ALDH2: variants seen among roughly 807,000 people sequenced by gnomAD.
The protein encoded by ALDH2 is aldehyde dehydrogenase 2 family member.
In ALDH2, 44 loss-of-function variants were observed where a neutral mutation model predicts 59.6. The ratio of observed to expected loss-of-function variants is 0.74; its 90% confidence interval spans 0.58 to 0.95. ALDH2 has a LOEUF of 0.95. Ranked by LOEUF, ALDH2 falls within the 40% of genes least tolerant of loss-of-function variation. ALDH2 has a pLI of 0.00. For synonymous variants in ALDH2, 291 were observed against 284.0 expected (o/e 1.02, Z -0.25); for missense variants, 570 against 696.3 (o/e 0.82, Z 2.04).
rs990718684 is a variant in ALDH2 at position 111,766,971 on chromosome 12, T to C, written c.-12T>C. ...TGCTCTCGGTCCGCTCGCTGTCCGCTAGCCCGCTGCGATGTTGCGCGCTGC... is the reference window on the plus strand; with the variant it reads ...TGCTCTCGGTCCGCTCGCTGTCCGCCAGCCCGCTGCGATGTTGCGCGCTGC... On this transcript the variant is annotated 5_prime_UTR_variant, in exon 1 of 13. Transcript: ENST00000261733. The C allele has an allele frequency of 1.7e-5, 26 of 1,520,492 alleles. No individual in the cohort carries two copies. Among genetic ancestry groups the C allele is most frequent in the Admixed American group, 6.0e-5 (3 of 50,066 alleles). The allele number at this position is 1,520,492 out of a possible 1,614,324, so 94.2% of individuals were successfully genotyped here. A position where few individuals can be genotyped will look rare whatever the true frequency, so the allele number is the denominator to read the frequency against.
rs185892412 is a variant in ALDH2 at position 111,811,815 on chromosome 12, C to A, written c.*2240C>A. On this transcript the variant is annotated 3_prime_UTR_variant, in exon 13 of 13. Transcript: ENST00000261733. The stretch of plus-strand genomic sequence containing the variant: ...CCCACAGGGTCGGTGGGTTTTTCTC[C>A]CCATGTGCGGAGACGAGAGATTGTA... 25 of 155,090 alleles carry A rather than the reference C, an allele frequency of 1.6e-4. No homozygotes were observed. The highest frequency in any genetic ancestry group is 6.0e-4 in the African/African-American group (25 of 41,560). The allele number at this position is 155,090 out of a possible 1,614,324, so 9.6% of individuals were successfully genotyped here. A position where few individuals can be genotyped will look rare whatever the true frequency, so the allele number is the denominator to read the frequency against.
At chr12:111,777,737 C>T (rs1424394478) in intron 1 of ALDH2, among the ~76,000 whole-genome samples, 1 of 152,186 alleles carries the variant, frequency 6.6e-6, no homozygotes, top group Non-Finnish European at 1.5e-5. Flanking sequence ...ACGGCATAGT[C>T]CAACTTGAAC....
intron 12 of ALDH2, among the ~76,000 whole-genome samples, chr12:111,808,422 C>T (rs1041424797): frequency 6.6e-6 from 1 of 151,958 alleles, no homozygotes; most frequent in African/African-American, 2.4e-5. Context: ...TTTAAGAAAG[C>T]GGCCAGGCGC....
chr12:111,771,817 G>A (rs935797759), intron 1 of ALDH2, among the ~76,000 whole-genome samples: 3 of 152,134 alleles, frequency 2.0e-5, no homozygotes, highest in African/African-American at 7.2e-5. Flanking sequence ...TTTAAAAATT[G>A]GCCAGGCACG....
At position 111,809,657 on chromosome 12, in the gene ALDH2, G is replaced by A. The variant is rs1304066851; in HGVS notation, c.*82G>A. On this transcript the variant is annotated 3_prime_UTR_variant, in exon 13 of 13. Coordinates refer to ENST00000261733, the MANE Select transcript of ALDH2 (RefSeq NM_000690.4). ...CAAAACCAAGAAAAATGATCCTTGC[G>A]TGCTGAATATCTGAAAAGAGAAATT... 2.0e-5 allele frequency: 29 copies of A among 1,480,784 alleles called. No homozygotes were observed. Among genetic ancestry groups the A allele is most frequent in the South Asian group, 1.0e-4 (9 of 86,374 alleles). The allele number at this position is 1,480,784 out of a possible 1,614,324, so 91.7% of individuals were successfully genotyped here.
chr12:111,793,403 A>C (rs2136019995), intron 9 of ALDH2, among the ~76,000 whole-genome samples: 1 of 151,964 alleles, frequency 6.6e-6, no homozygotes, highest in East Asian at 1.9e-4. Context: ...ACTTTTGAGC[A>C]GTTGTAGGTT....
chr12:111,792,068 G>A lies in ALDH2; in HGVS notation c.803G>A (p.Arg268His), dbSNP rs765859442. The A allele has an allele frequency of 1.4e-5, 23 of 1,609,184 alleles. No individual in the cohort carries two copies. Among genetic ancestry groups the A allele is most frequent in the South Asian group, 6.6e-5 (6 of 90,718 alleles). ...GTCTTTCTGTCCCCACAGATTGGCC[G>A]CGTAATCCAGGTTGCTGCTGGGAGC... The part of the protein sequence containing the change: ...VAFTGSTEIG[R>H]VIQVAAGSSN... Residue 268 changes from arginine to histidine, a missense_variant, in exon 8 of 13, where the codon CGC becomes CAC. Coordinates refer to ENST00000261733, the MANE Select transcript of ALDH2 (RefSeq NM_000690.4).
chr12:111,788,178 C>T (rs1221783979), intron 4 of ALDH2, among the ~76,000 whole-genome samples: 3 of 152,128 alleles, frequency 2.0e-5, no homozygotes, highest in Non-Finnish European at 2.9e-5. Context: ...CCACTGCACT[C>T]CAGCCTGGGA....
intron 8 of ALDH2, 47 bp downstream of exon 8, chr12:111,792,210 C>A: frequency 2.8e-6 from 4 of 1,420,886 alleles, no homozygotes; most frequent in Non-Finnish European, 2.9e-6. Flanking sequence ...TAGCCCTGGC[C>A]ACCTGTGTTG....
chr12:111,785,382 G>T (rs771977554), intron 4 of ALDH2, 36 bp downstream of exon 4: 2 of 1,569,014 alleles, frequency 1.3e-6, no homozygotes, highest in Non-Finnish European at 1.8e-6. Context: ...TGTTCTGGCA[G>T]GGGAAAAGGG....
intron 11 of ALDH2, among the ~76,000 whole-genome samples, chr12:111,800,583 C>T (rs148794760): frequency 5.8e-4 from 89 of 152,216 alleles, no homozygotes; most frequent in African/African-American, 2.0e-3. Flanking sequence ...TACCACCACA[C>T]CTGGACAATT....
At position 111,772,662 on chromosome 12, in the gene ALDH2, CT is replaced by C. The variant is rs945541467; in HGVS notation, c.114+5576del. On this transcript the variant is annotated intron_variant, in intron 1 of 12. Transcript: ENST00000261733. ...AGGCGTGAGCCACTGCACCTGGCCT[CT>C]TTTTTTTTTGGTTTTTTTTTTTTTT... Among the ~76,000 whole-genome samples, 132 of 129,868 alleles carry C rather than the reference CT, an allele frequency of 1.0e-3. 3 individuals are homozygous for C. Among genetic ancestry groups the C allele is most frequent in the Admixed American group, 4.8e-4 (6 of 12,394 alleles). 85.2% of individuals were successfully genotyped at this position (129,868 alleles called of 152,430 possible). A position where few individuals can be genotyped will look rare whatever the true frequency, so the allele number is the denominator to read the frequency against.
At chr12:111,774,031 A>G (rs2068219104) in intron 1 of ALDH2, among the ~76,000 whole-genome samples, 1 of 152,224 alleles carries the variant, frequency 6.6e-6, no homozygotes, top group Non-Finnish European at 1.5e-5. Context: ...AAACTGGCTC[A>G]GGGAAAGTCC....
At chr12:111,805,260 T>A (rs1055813464) in intron 12 of ALDH2, among the ~76,000 whole-genome samples, 10 of 152,174 alleles carry the variant, frequency 6.6e-5, no homozygotes, top group Non-Finnish European at 1.2e-4. Context: ...GTTGCATGCC[T>A]GTAGTCCCAG....
At chr12:111,775,690 C>T (rs745474640) in intron 1 of ALDH2, 17 of 455,708 alleles carry the variant, frequency 3.7e-5, no homozygotes, top group African/African-American at 1.6e-4. Flanking sequence ...CCCCCCACCA[C>T]GCCCCGCCCA....
rs2068532084 is a variant in ALDH2, at chr12:111,811,088, G to C, written c.*1513G>C. 1 of 151,836 alleles carries C rather than the reference G, an allele frequency of 6.6e-6. No individual in the cohort carries two copies. The highest frequency in any genetic ancestry group is 1.5e-5 in the Non-Finnish European group (1 of 68,050). The allele number at this position is 151,836 out of a possible 1,614,324, so 9.4% of individuals were successfully genotyped here. A position where few individuals can be genotyped will look rare whatever the true frequency, so the allele number is the denominator to read the frequency against. Reference sequence around the variant, plus strand: ...ACAGTGGCTCACGCCTATAATTCCAGCACTTTGGGAGGCCAAGGTGGGTGG... The same window carrying C: ...ACAGTGGCTCACGCCTATAATTCCACCACTTTGGGAGGCCAAGGTGGGTGG... On this transcript the variant is annotated 3_prime_UTR_variant, in exon 13 of 13. Coordinates refer to ENST00000261733, the MANE Select transcript of ALDH2 (RefSeq NM_000690.4).
chr12:111,796,234 A>C (rs2068402661), intron 9 of ALDH2, among the ~76,000 whole-genome samples: 1 of 152,134 alleles, frequency 6.6e-6, no homozygotes, highest in Admixed American at 6.6e-5. Flanking sequence ...AGGCAGGAGA[A>C]TCACTTGAAC....
In ALDH2 at chr12:111,817,419, T is replaced by C. The variant is rs955298364; in HGVS notation, c.*7844T>C. Reference sequence around the variant, plus strand: ...ATTATGTGTTTGCAATGTGCTATGATTAATGCAGTGACATAACTGGCAAGA... The same window carrying C: ...ATTATGTGTTTGCAATGTGCTATGACTAATGCAGTGACATAACTGGCAAGA... On this transcript the variant is annotated 3_prime_UTR_variant, in exon 13 of 13. Transcript: ENST00000261733. 2.0e-5 allele frequency: 3 copies of C among 152,216 alleles called. No individual in the cohort carries two copies. Among genetic ancestry groups the C allele is most frequent in the Non-Finnish European group, 4.4e-5 (3 of 68,038 alleles). 9.4% of individuals were successfully genotyped at this position (152,216 alleles called of 1,614,324 possible). A position where few individuals can be genotyped will look rare whatever the true frequency, so the allele number is the denominator to read the frequency against.
At chr12:111,804,811 A>G (rs2068481555) in intron 12 of ALDH2, among the ~76,000 whole-genome samples, 1 of 152,096 alleles carries the variant, frequency 6.6e-6, no homozygotes, top group Non-Finnish European at 1.5e-5. Context: ...CAATTCCCAC[A>G]GTAATAAAAA....
Sources: gnomAD v4.1 joint callset for allele counts (sites outside exome capture counted in the v4.1 genomes callset) on GRCh38, gnomAD v4.1.1 for gene constraint, MANE v1.5 for transcripts, NCBI Gene and HGNC (gene_info 2026-07-23, HGNC 2026-07-21) for gene names.